The following TRPS1 variants were observed in gnomAD, a reference collection of about 807,000 sequenced individuals.
TRPS1 encodes zinc finger transcription factor Trps1.
A neutral mutation model predicts 101.2 loss-of-function variants in TRPS1; 6 were observed. The ratio of observed to expected loss-of-function variants is 0.06; its 90% CI spans 0.03 to 0.12. The LOEUF (loss-of-function observed/expected upper bound fraction) is 0.12. TRPS1 is among the 10% of genes least tolerant of loss of function. The probability of loss-of-function intolerance (pLI) is 1.00; values close to 1 mark genes in which losing one functional copy is unlikely to be tolerated. For missense variants in TRPS1, 1,363 were observed against 1,567.0 expected (o/e 0.87, Z 2.20); for synonymous variants, 578 against 589.8 (o/e 0.98, Z 0.29).
intron 6 of TRPS1, among the ~76,000 whole-genome samples, chr8:115,416,451 A>G (rs964562682): frequency 6.6e-6 from 1 of 150,694 alleles, no homozygotes; most frequent in African/African-American, 2.4e-5. Flanking sequence ...ATAAAACATG[A>G]CTATAAATAT....
chr8:115,418,519 A>C lies in TRPS1; in HGVS notation c.2701-67T>G. On this transcript the variant is annotated intron_variant, in intron 5 of 6. Coordinates refer to ENST00000395715, the MANE Select transcript of TRPS1 (RefSeq NM_014112.5). The surrounding 1 kb of genome is among the most constrained non-coding windows in gnomAD (Gnocchi z 4.3). The stretch of plus-strand genomic sequence containing the variant: ...TGATCAGTGGAGTTAGACCAAATCA[A>C]CCCAGGAGTTTTGTCTTTAAACTAG... 1.2e-6 allele frequency: 2 copies of C among 1,610,764 alleles called. No homozygotes were observed. The highest frequency in any genetic ancestry group is 1.7e-6 in the Non-Finnish European group (2 of 1,177,502).
chr8:115,623,885 A>T, intron 1 of TRPS1, 127 bp from the exon 2 acceptor site: 1 of 818,016 alleles, frequency 1.2e-6, no homozygotes, highest in Middle Eastern at 4.6e-4. Context: ...AGCATGAGCA[A>T]ATCTGGAGCA....
At chr8:115,620,183 A>G (rs1314777064) in intron 2 of TRPS1, 123 bp from the exon 3 acceptor site, 3 of 54,550 alleles carry the variant, frequency 5.5e-5, no homozygotes, top group African/African-American at 1.8e-4. Context: ...TTCCTCTAGG[A>G]AAAAAAAAAA....
At chr8:115,445,788 A>T (rs1813717605) in intron 5 of TRPS1, among the ~76,000 whole-genome samples, 1 of 152,236 alleles carries the variant, frequency 6.6e-6, no homozygotes, top group Non-Finnish European at 1.5e-5. Flanking sequence ...ACGAAAAATT[A>T]CTAAGGTAAT....
chr8:115,509,700 T>C (rs546706146), intron 5 of TRPS1: 29 of 152,162 alleles, frequency 1.9e-4, no homozygotes, highest in South Asian at 6.2e-4. Context: ...AAGGAACCCA[T>C]TGACGTCCTA....
chr8:115,442,896 C>T (rs902885508), intron 5 of TRPS1, among the ~76,000 whole-genome samples: 1 of 151,868 alleles, frequency 6.6e-6, no homozygotes, highest in Non-Finnish European at 1.5e-5. Context: ...TCGAGATCAT[C>T]CTGGCTAACA....
chr8:115,558,923 C>T (rs1017971834), intron 5 of TRPS1, among the ~76,000 whole-genome samples: 1 of 152,000 alleles, frequency 6.6e-6, no homozygotes, highest in Non-Finnish European at 1.5e-5. Flanking sequence ...TACAAAGATG[C>T]TATACCTAAA....
intron 5 of TRPS1, among the ~76,000 whole-genome samples, chr8:115,471,981 CTGAG>C (rs1814481882): frequency 6.6e-6 from 1 of 152,332 alleles, no homozygotes; most frequent in South Asian, 2.1e-4. Flanking sequence ...TGGTCTGGCA[CTGAG>C]TGTCTGCAGT....
At chr8:115,627,482 G>T (rs887119078) in intron 1 of TRPS1, among the ~76,000 whole-genome samples, 1 of 151,702 alleles carries the variant, frequency 6.6e-6, no homozygotes, top group African/African-American at 2.4e-5. Flanking sequence ...AAAGAGCCAA[G>T]CACAGCACTT....
rs1192818137 is a variant in TRPS1 at position 115,410,465 on chromosome 8, C to T, written c.*3558G>A. The T allele has an allele frequency of 6.6e-6, 1 of 152,366 alleles. No homozygotes were observed. The highest frequency in any genetic ancestry group is 1.9e-4 in the East Asian group (1 of 5,168). The allele number at this position is 152,366 out of a possible 1,614,324, so 9.4% of individuals were successfully genotyped here. A position where few individuals can be genotyped will look rare whatever the true frequency, so the allele number is the denominator to read the frequency against. ...AACAGAACAGTTTAGAACAGAACAT[C>T]ACTATCTTAAAAGTTGATTAAAAAA... On this transcript the variant is annotated 3_prime_UTR_variant, in exon 7 of 7. Transcript: ENST00000395715.
At position 115,604,876 on chromosome 8, in the gene TRPS1, G is replaced by T. The variant is rs1554596393; in HGVS notation, c.1093C>A (p.Gln365Lys). Residue 365 changes from glutamine (Q) to lysine (K), a missense_variant, in exon 4 of 7, where the codon CAA becomes AAA. This residue lies in a region of TRPS1 where 1,020 missense variants were observed against 1,073.0 expected (regional missense o/e 0.95). Transcript: ENST00000395715. The surrounding 1 kb of genome is among the most constrained non-coding windows in gnomAD (Gnocchi z 4.1). ...TTTGGGTGAGTCTGAAGAAAATGTTGTTCTAATTCGGTGGATGAGTTGCCC... is the reference window on the plus strand; with the variant it reads ...TTTGGGTGAGTCTGAAGAAAATGTTTTTCTAATTCGGTGGATGAGTTGCCC... ...YMGNSSTELE[Q>K]HFLQTHPNKI... The T allele has an allele frequency of 1.9e-6, 3 of 1,614,050 alleles. No individual in the cohort carries two copies. The highest frequency in any genetic ancestry group is 4.5e-5 in the East Asian group (2 of 44,880).
At chr8:115,458,076 T>C (rs570852569) in intron 5 of TRPS1, among the ~76,000 whole-genome samples, 2 of 152,126 alleles carry the variant, frequency 1.3e-5, no homozygotes, top group Non-Finnish European at 2.9e-5. Flanking sequence ...ATTTTGACAC[T>C]TGCATATGAC....
chr8:115,437,896 C>T (rs893867939), intron 5 of TRPS1, among the ~76,000 whole-genome samples: 1 of 152,150 alleles, frequency 6.6e-6, no homozygotes, highest in East Asian at 1.9e-4. Flanking sequence ...TATATTCTTT[C>T]TCCAGAAAAG....
intron 5 of TRPS1, among the ~76,000 whole-genome samples, chr8:115,488,864 T>C (rs918341027): frequency 6.6e-6 from 1 of 152,206 alleles, no homozygotes; most frequent in African/African-American, 2.4e-5. Context: ...TCAGCTCATA[T>C]AAACAGTGAC....
At chr8:115,565,200 T>C (rs1255144989) in intron 5 of TRPS1, among the ~76,000 whole-genome samples, 2 of 152,162 alleles carry the variant, frequency 1.3e-5, no homozygotes, top group African/African-American at 4.8e-5. Flanking sequence ...GTGGACTGTT[T>C]GCTGAAAGTA....
intron 1 of TRPS1, among the ~76,000 whole-genome samples, chr8:115,625,290 A>G (rs1818481158): frequency 6.6e-6 from 1 of 151,970 alleles, no homozygotes; most frequent in Non-Finnish European, 1.5e-5. Context: ...TCGTGTGATC[A>G]AGGGCAAGTC....
At chr8:115,454,706 G>C (rs1039251578) in intron 5 of TRPS1, among the ~76,000 whole-genome samples, 1 of 151,998 alleles carries the variant, frequency 6.6e-6, no homozygotes, top group Non-Finnish European at 1.5e-5. Context: ...TTGAAATATA[G>C]AGCTCTTTCA....
intron 5 of TRPS1, among the ~76,000 whole-genome samples, chr8:115,440,011 C>T (rs529486325): frequency 7.9e-5 from 12 of 152,200 alleles, no homozygotes; most frequent in Non-Finnish European, 1.8e-4. Context: ...TAATGGCCCT[C>T]TAGTGCAGTT....
rs538263841 is a variant in TRPS1 at position 115,625,832 on chromosome 8, T to C, written c.-121-2074A>G. Among the ~76,000 whole-genome samples the C allele has an allele frequency of 2.0e-5, 3 of 152,018 alleles. No individual in the cohort carries two copies. The East Asian group carries it at 5.8e-4, about 29-fold the overall frequency. On this transcript the variant is annotated intron_variant, in intron 1 of 6. Coordinates refer to ENST00000395715, the MANE Select transcript of TRPS1 (RefSeq NM_014112.5). ...CAAGATCCTGTAATTGGACCTCAGT[T>C]TCAAATCTTGTTGCGCATAATTTTT...
Sources: gnomAD v4.1 joint callset for allele counts (sites outside exome capture counted in the v4.1 genomes callset) on GRCh38, gnomAD v4.1.1 for gene constraint, gnomAD v4.1.1 regional missense constraint, Gnocchi (gnomAD v3.1) non-coding constraint, MANE v1.5 for transcripts, NCBI Gene and HGNC (gene_info 2026-07-23, HGNC 2026-07-21) for gene names.